The following KCNQ1 variants were observed in gnomAD, a reference collection of about 807,000 sequenced individuals.
The protein encoded by KCNQ1 is potassium voltage-gated channel subfamily Q member 1, also known as potassium voltage-gated channel subfamily KQT member 1.
A neutral mutation model predicts 72.4 loss-of-function variants in KCNQ1; 49 were observed. The observed-to-expected ratio is 0.68, with a 90% CI of 0.54 to 0.86. KCNQ1 has a LOEUF of 0.86. KCNQ1 is among the 40% of genes least tolerant of loss of function. The probability of loss-of-function intolerance (pLI) is 0.00; values close to 1 mark genes in which losing one functional copy is unlikely to be tolerated. For missense variants in KCNQ1, 790 were observed against 945.1 expected (o/e 0.84, Z 2.15); for synonymous variants, 450 against 412.6 (o/e 1.09, Z -1.10).
In KCNQ1 at chr11:2,470,316, TTA is replaced by T. The variant is rs549665425; in HGVS notation, c.386+24836_386+24837del. ...GGTGCGTAGGAGGTTTCATTCATAT[TTA>T]TATGTTTTCTTGAAAAGGGGAGGGG... On this transcript the variant is annotated intron_variant, in intron 1 of 15. Transcript: ENST00000155840. Among the ~76,000 whole-genome samples, 497 of 152,280 alleles carry T rather than the reference TTA, an allele frequency of 3.3e-3. 4 individuals carry two copies. Among genetic ancestry groups the T allele is most frequent in the African/African-American group, 0.012 (484 of 41,556 alleles).
At position 2,677,888 on chromosome 11, in the gene KCNQ1, C is replaced by T. The variant is rs932082985; in HGVS notation, c.1514+15807C>T. The T allele has an allele frequency of 5.0e-6, 2 of 398,438 alleles. No individual in the cohort carries two copies. Among genetic ancestry groups the T allele is most frequent in the South Asian group, 1.3e-4 (1 of 7,858 alleles). 24.7% of individuals were successfully genotyped at this position (398,438 alleles called of 1,614,324 possible). On this transcript the variant is annotated intron_variant, in intron 11 of 15. Transcript: ENST00000155840. This position sits in a 1 kb window ranked among gnomAD's most constrained non-coding sequence, Gnocchi z 4.5. Reference sequence around the variant, plus strand: ...ACTGCACAAATGCACTTTCTTCCCCCACCCTTACCAAGTGTATACTCAGGT... The same window carrying T: ...ACTGCACAAATGCACTTTCTTCCCCTACCCTTACCAAGTGTATACTCAGGT...
intron 10 of KCNQ1, chr11:2,648,662 A>C (rs1849704581): frequency 5.0e-6 from 2 of 398,420 alleles, no homozygotes; most frequent in Non-Finnish European, 8.8e-6. Context: ...GACTTTTAAA[A>C]ATTTATTGAG....
At chr11:2,834,823 T>G (rs1388463313) in intron 15 of KCNQ1, among the ~76,000 whole-genome samples, 1 of 152,166 alleles carries the variant, frequency 6.6e-6, no homozygotes, top group Non-Finnish European at 1.5e-5. Context: ...GAATGCAGGT[T>G]CCGGGGCAAG....
chr11:2,769,530 C>A lies in KCNQ1; in HGVS notation c.1590+611C>A, dbSNP rs985168255. On this transcript the variant is annotated intron_variant, in intron 12 of 15. Transcript: ENST00000155840. This position sits in a 1 kb window ranked among gnomAD's most constrained non-coding sequence, Gnocchi z 4.6. The stretch of plus-strand genomic sequence containing the variant: ...TCCCCCCTACAGAAGCCCCTTAGAG[C>A]CCCCAGAGTCCATGCCCCGCAGAGA... Among the ~76,000 whole-genome samples the A allele has an allele frequency of 2.6e-5, 4 of 152,204 alleles. No homozygotes were observed. Among genetic ancestry groups the A allele is most frequent in the Non-Finnish European group, 5.9e-5 (4 of 68,036 alleles).
intron 11 of KCNQ1, among the ~76,000 whole-genome samples, chr11:2,722,864 C>A (rs149281141): frequency 2.0e-5 from 3 of 152,132 alleles, no homozygotes; most frequent in Non-Finnish European, 2.9e-5. Context: ...TCTGAGCCAC[C>A]CTTCTGAGTG....
Position 2,587,601 on chromosome 11 carries a change from C to T in KCNQ1, c.1160C>T (p.Pro387Leu), listed in dbSNP as rs1226817669. 1.2e-6 allele frequency: 2 copies of T among 1,613,760 alleles called. No homozygotes were observed. The highest frequency in any genetic ancestry group is 1.7e-5 in the Admixed American group (1 of 59,996). The change falls in exon 9 of 16, where the codon CCC becomes CTC. Residue 387 changes from proline (P) to leucine (L), a missense_variant. This residue lies in a region of KCNQ1 where 178 missense variants were observed against 177.9 expected (regional missense o/e 1.00). Transcript: ENST00000155840. ...TAWRCYAAEN[P>L]DSSTWKIYIR... Reference sequence around the variant, plus strand: ...TGGAGGTGCTATGCTGCCGAGAACCCCGACTCCTCCACCTGGAAGATCTAC... The same window carrying T: ...TGGAGGTGCTATGCTGCCGAGAACCTCGACTCCTCCACCTGGAAGATCTAC...
In KCNQ1 at chr11:2,690,992, A is replaced by G. The variant is rs188016721; in HGVS notation, c.1514+28911A>G. ...TCAACAAAAGCCCACCAGACCATCA[A>G]TGAAGTGGGCAAAAGCTCTGGGTGA... On this transcript the variant is annotated intron_variant, in intron 11 of 15. Transcript: ENST00000155840. The surrounding 1 kb of genome is among the most constrained non-coding windows in gnomAD (Gnocchi z 5.1). The G allele has an allele frequency of 9.0e-5, 36 of 398,664 alleles. No individual in the cohort carries two copies. The highest frequency in any genetic ancestry group is 7.9e-4 in the Admixed American group (18 of 22,738). The allele number at this position is 398,664 out of a possible 1,614,324, so 24.7% of individuals were successfully genotyped here. A position where few individuals can be genotyped will look rare whatever the true frequency, so the allele number is the denominator to read the frequency against.
At chr11:2,740,420 C>T (rs1235293502) in intron 11 of KCNQ1, among the ~76,000 whole-genome samples, 1 of 152,190 alleles carries the variant, frequency 6.6e-6, no homozygotes, top group Non-Finnish European at 1.5e-5. Context: ...TACAGGTGTT[C>T]AAAGATATGG....
rs148714142 is a variant in KCNQ1 at position 2,513,130 on chromosome 11, T to C, written c.387-14798T>C. Among the ~76,000 whole-genome samples, 583 of 152,190 alleles carry C rather than the reference T, an allele frequency of 3.8e-3. 2 individuals carry two copies. The highest frequency in any genetic ancestry group is 0.013 in the African/African-American group (559 of 41,520). On this transcript the variant is annotated intron_variant, in intron 1 of 15. Coordinates refer to ENST00000155840, the MANE Select transcript of KCNQ1 (RefSeq NM_000218.3). ...GCGCTCTGGGCCACCAGGTCTTGTC[T>C]GGGGGGAATCCTGACCCTGTGTGAT...
At chr11:2,648,981 C>CTTTTTTTTTTTTTTTTTTTTTTTGTTTTT (rs1849712783) in intron 10 of KCNQ1, 1 of 213,306 alleles carries the variant, frequency 4.7e-6, no homozygotes, top group Non-Finnish European at 7.8e-6. Flanking sequence ...TTTTCTTTTT[C>CTTTTTTTTTTTTTTTTTTTTTTTGTTTTT]TTTTTTTTTT....
At chr11:2,571,907 G>T in intron 4 of KCNQ1, 106 bp from the exon 5 acceptor site, 1 of 905,462 alleles carries the variant, frequency 1.1e-6, no homozygotes, top group Non-Finnish European at 1.8e-6. Context: ...GTGGACGCCT[G>T]GGAGGGGCAG....
At chr11:2,739,873 G>A (rs1375903448) in intron 11 of KCNQ1, among the ~76,000 whole-genome samples, 14 of 152,234 alleles carry the variant, frequency 9.2e-5, no homozygotes, top group Admixed American at 6.5e-4. Context: ...TCCTAAGGGA[G>A]GCCAGCCCCT....
rs1004877746 is a variant in KCNQ1 at position 2,609,664 on chromosome 11, C to T, written c.1393+20810C>T. ...TTGTTGAATTGGCTATTTCTCTGTT[C>T]AGTTCTGTCAGTTTTTGCTTCTTAT... On this transcript the variant is annotated intron_variant, in intron 10 of 15. Transcript: ENST00000155840. 46 of 398,194 alleles carry T rather than the reference C, an allele frequency of 1.2e-4. No homozygotes were observed. Among genetic ancestry groups the T allele is most frequent in the Admixed American group, 1.3e-4 (3 of 22,702 alleles). 24.7% of individuals were successfully genotyped at this position (398,194 alleles called of 1,614,324 possible). A position where few individuals can be genotyped will look rare whatever the true frequency, so the allele number is the denominator to read the frequency against.
In KCNQ1 at chr11:2,787,857, AT is replaced by A. The variant is rs33915190; in HGVS notation, c.1794+9821del. On this transcript the variant is annotated intron_variant, in intron 15 of 15. Transcript: ENST00000155840. The surrounding 1 kb of genome is among the most constrained non-coding windows in gnomAD (Gnocchi z 6.3). ...GGGTTTTCTAATAACCGAATGAAGG[AT>A]CTATCTTTAAATTTTAATTTTAATT... Among the ~76,000 whole-genome samples, 30,949 of 149,002 alleles carry A rather than the reference AT, an allele frequency of 0.21. 3,345 individuals carry two copies. Among genetic ancestry groups the A allele is most frequent in the Admixed American group, 0.3 (4,423 of 14,854 alleles).
chr11:2,707,100 A>G (rs1423027728), intron 11 of KCNQ1, among the ~76,000 whole-genome samples: 1 of 152,072 alleles, frequency 6.6e-6, no homozygotes, highest in Non-Finnish European at 1.5e-5. Context: ...TCTGTCCCAA[A>G]TTTGTTTTCT....
rs1458113475 is a variant in KCNQ1, at chr11:2,669,014, G to C, written c.1514+6933G>C. On this transcript the variant is annotated intron_variant, in intron 11 of 15. Transcript: ENST00000155840. The surrounding 1 kb of genome is among the most constrained non-coding windows in gnomAD (Gnocchi z 5.6). ...TCAAGGTCCACTCTTCCCCTACTTGGATATCCAGTCTAGCTCAGCACCCGG... is the reference window on the plus strand; with the variant it reads ...TCAAGGTCCACTCTTCCCCTACTTGCATATCCAGTCTAGCTCAGCACCCGG... 1.0e-5 allele frequency: 4 copies of C among 398,480 alleles called. No homozygotes were observed. The highest frequency in any genetic ancestry group is 4.1e-5 in the African/African-American group (2 of 48,600). 24.7% of individuals were successfully genotyped at this position (398,480 alleles called of 1,614,324 possible).
At chr11:2,770,231 C>G (rs1039196946) in intron 12 of KCNQ1, among the ~76,000 whole-genome samples, 1 of 152,202 alleles carries the variant, frequency 6.6e-6, no homozygotes, top group African/African-American at 2.4e-5. Flanking sequence ...GCCCTGGAGC[C>G]ACCTCAGCCT....
At chr11:2,799,641 C>T (rs1048202262) in intron 15 of KCNQ1, among the ~76,000 whole-genome samples, 111 of 152,176 alleles carry the variant, frequency 7.3e-4, no homozygotes, top group African/African-American at 2.5e-3. Flanking sequence ...CTCGTGCACT[C>T]GGTGTCCAGG....
intron 11 of KCNQ1, chr11:2,699,506 G>A (rs1850739010): frequency 5.6e-6 from 1 of 179,774 alleles, no homozygotes; most frequent in Non-Finnish European, 8.9e-6. Context: ...CCGCGCTGAG[G>A]AGCCCCCAGG....
Sources: allele counts gnomAD v4.1 joint callset (sites outside exome capture counted in the v4.1 genomes callset), GRCh38; gene constraint gnomAD v4.1.1; regional missense constraint gnomAD v4.1.1; non-coding constraint Gnocchi (gnomAD v3.1); transcripts MANE v1.5; gene names NCBI Gene and HGNC (gene_info 2026-07-23, HGNC 2026-07-21).